The following PCDHGB2 variants were observed in gnomAD, a reference collection of about 807,000 sequenced individuals.
PCDHGB2 encodes protocadherin gamma-B2.
A neutral mutation model predicts 59.3 loss-of-function variants in PCDHGB2; 55 were observed. That is an observed-to-expected ratio of 0.93 (90% confidence interval 0.75 to 1.16). The LOEUF (loss-of-function observed/expected upper bound fraction) is 1.16. PCDHGB2 is among the 50% of genes most tolerant of loss of function. PCDHGB2 has a pLI of 0.00. For synonymous variants in PCDHGB2, 516 were observed against 512.0 expected (o/e 1.01, Z -0.11); for missense variants, 1,228 against 1,198.5 (o/e 1.02, Z -0.36).
intron 1 of PCDHGB2, chr5:141,411,955 A>C (rs1427605209): frequency 6.6e-5 from 10 of 152,244 alleles, no homozygotes; most frequent in African/African-American, 1.2e-4. Context: ...TTTGAAGAAA[A>C]AAGATAAAAT....
chr5:141,409,900 T>G (rs756245078), intron 1 of PCDHGB2: 1 of 1,613,144 alleles, frequency 6.2e-7, no homozygotes, highest in Non-Finnish European at 8.5e-7. Flanking sequence ...TGTACCCAGC[T>G]CTGGGTCCTG....
chr5:141,457,079 C>T (rs114054058), intron 1 of PCDHGB2, among the ~76,000 whole-genome samples: 2,973 of 152,194 alleles, frequency 0.02, 43 homozygotes, highest in African/African-American at 0.029. Flanking sequence ...AACTATTATC[C>T]CTGCTATAAG....
intron 1 of PCDHGB2, among the ~76,000 whole-genome samples, chr5:141,438,705 G>A (rs555160868): frequency 2.0e-4 from 29 of 145,842 alleles, no homozygotes; most frequent in African/African-American, 7.1e-4. Flanking sequence ...CTGTCACCCA[G>A]GCTGGAGTGC....
At position 141,390,019 on chromosome 5, in the gene PCDHGB2, G is replaced by A. The variant is rs1047341984; in HGVS notation, c.2421+27463G>A. The A allele has an allele frequency of 1.9e-6, 3 of 1,614,002 alleles. No individual in the cohort carries two copies. Among genetic ancestry groups the A allele is most frequent in the Non-Finnish European group, 2.5e-6 (3 of 1,179,896 alleles). Reference sequence around the variant, plus strand: ...GCCATGATTCTGGCCATTGCCTTGCGCCTGCGACGCTCCTCCAGCCCCGCC... The same window carrying A: ...GCCATGATTCTGGCCATTGCCTTGCACCTGCGACGCTCCTCCAGCCCCGCC... On this transcript the variant is annotated intron_variant, in intron 1 of 3. Transcript: ENST00000522605.
Position 141,360,048 on chromosome 5 carries a change from A to C in PCDHGB2, c.-88A>C. On this transcript the variant is annotated 5_prime_UTR_variant, in exon 1 of 4. Transcript: ENST00000522605. The stretch of plus-strand genomic sequence containing the variant: ...AGTATAGATTCGGAAACAGAAAACA[A>C]AAGCAGGAAAAGTGACCTTAGCCCG... 2 of 1,434,382 alleles carry C rather than the reference A, an allele frequency of 1.4e-6. No homozygotes were observed. The highest frequency in any genetic ancestry group is 1.8e-6 in the Non-Finnish European group (2 of 1,085,748). The allele number at this position is 1,434,382 out of a possible 1,614,324, so 88.9% of individuals were successfully genotyped here.
intron 1 of PCDHGB2, chr5:141,413,459 A>C: frequency 1.9e-6 from 3 of 1,614,080 alleles, no homozygotes; most frequent in Non-Finnish European, 2.5e-6. Flanking sequence ...GGCAGGATAG[A>C]CCGGGAGGAG....
chr5:141,370,314 T>A, intron 1 of PCDHGB2: 4 of 1,280,798 alleles, frequency 3.1e-6, no homozygotes, highest in Non-Finnish European at 4.3e-6. Context: ...AGCAAATAGT[T>A]GGTCCTGCTC....
At chr5:141,462,698 G>A (rs2099045237) in intron 1 of PCDHGB2, among the ~76,000 whole-genome samples, 1 of 152,062 alleles carries the variant, frequency 6.6e-6, no homozygotes. Context: ...ATTTATAATG[G>A]AGGTTTTAAA....
intron 1 of PCDHGB2, among the ~76,000 whole-genome samples, chr5:141,407,447 G>A (rs1347838571): frequency 3.9e-5 from 6 of 152,260 alleles, no homozygotes; most frequent in African/African-American, 2.4e-5. Context: ...ACCAGAACAC[G>A]AGGCTCACCA....
chr5:141,407,478 A>G (rs1230151085), intron 1 of PCDHGB2, among the ~76,000 whole-genome samples: 1 of 144,006 alleles, frequency 6.9e-6, no homozygotes, highest in Non-Finnish European at 1.6e-5. Flanking sequence ...TGAATGGAGT[A>G]TGGAAAATCT....
At chr5:141,500,929 C>T (rs1347340945) in intron 2 of PCDHGB2, among the ~76,000 whole-genome samples, 2 of 151,210 alleles carry the variant, frequency 1.3e-5, no homozygotes, top group South Asian at 2.1e-4. Flanking sequence ...GGTGCAGTGG[C>T]GCCATCTCGG....
chr5:141,371,177 A>G lies in PCDHGB2; in HGVS notation c.2421+8621A>G, dbSNP rs757223785. 48 of 1,613,920 alleles carry G rather than the reference A, an allele frequency of 3.0e-5. No homozygotes were observed. In the South Asian group the frequency reaches 4.9e-4, roughly 17 times the overall value. ...AGAACCTGCCCGCTGGCTCCTCCGT[A>G]TTAAAAGTGATGGCCATTGACATGG... On this transcript the variant is annotated intron_variant, in intron 1 of 3. Coordinates refer to ENST00000522605, the MANE Select transcript of PCDHGB2 (RefSeq NM_018923.3).
At chr5:141,460,983 G>GTGTA (rs1554142949) in intron 1 of PCDHGB2, among the ~76,000 whole-genome samples, 1,579 of 137,794 alleles carry the variant, frequency 0.011, 39 homozygotes, top group African/African-American at 0.038. Context: ...GTGTGTGTGT[G>GTGTA]TATATATATA....
intron 1 of PCDHGB2, chr5:141,478,477 C>T: frequency 6.2e-7 from 1 of 1,613,796 alleles, no homozygotes; most frequent in Non-Finnish European, 8.5e-7. Flanking sequence ...GCCGCCAGAA[C>T]ACGCTGCGGA....
At chr5:141,398,942 G>A (rs748252181) in intron 1 of PCDHGB2, 2 of 1,613,884 alleles carry the variant, frequency 1.2e-6, no homozygotes, top group South Asian at 1.1e-5. Context: ...CAAGACGAGG[G>A]CATCAACTCA....
At chr5:141,362,677 G>A in intron 1 of PCDHGB2, 121 bp downstream of exon 1, 2 of 1,225,610 alleles carry the variant, frequency 1.6e-6, no homozygotes, top group Non-Finnish European at 1.1e-6. Flanking sequence ...TGCCTTAATT[G>A]TCTTAATCTT....
chr5:141,373,895 T>TA, intron 1 of PCDHGB2: 1 of 534,638 alleles, frequency 1.9e-6, no homozygotes, highest in Non-Finnish European at 3.1e-6. Flanking sequence ...AAACTCAAGT[T>TA]ACATCCTCCA....
chr5:141,456,984 C>G (rs374156327), intron 1 of PCDHGB2, among the ~76,000 whole-genome samples: 1 of 152,200 alleles, frequency 6.6e-6, no homozygotes, highest in East Asian at 1.9e-4. Flanking sequence ...AACAAACAAA[C>G]AAACAAAAAC....
At chr5:141,430,986 C>T (rs549700048) in intron 1 of PCDHGB2, 3 of 1,613,762 alleles carry the variant, frequency 1.9e-6, no homozygotes, top group East Asian at 2.2e-5. Flanking sequence ...CAGCTTTTCG[C>T]CCTGAATCCG....
Sources: allele counts gnomAD v4.1 joint callset (sites outside exome capture counted in the v4.1 genomes callset), GRCh38; gene constraint gnomAD v4.1.1; transcripts MANE v1.5; gene names NCBI Gene and HGNC (gene_info 2026-07-23, HGNC 2026-07-21).